Variants in SPRYD4 observed in about 807,000 individuals in gnomAD.
The protein encoded by SPRYD4 is SPRY domain containing 4, also known as SPRY domain-containing protein 4.
Under a neutral mutation model 16.6 loss-of-function variants are expected in SPRYD4, and 12 were observed. That is an observed-to-expected ratio of 0.72 (90% confidence interval 0.46 to 1.17). The LOEUF (loss-of-function observed/expected upper bound fraction) is 1.17, where lower values mean the gene tolerates loss of function less well. SPRYD4 is among the 50% of genes most tolerant of loss of function. The pLI, the probability that SPRYD4 is intolerant of heterozygous loss-of-function variation, is 0.00. For synonymous variants in SPRYD4, 98 were observed against 105.4 expected (o/e 0.93, Z 0.43); for missense variants, 260 against 260.2 (o/e 1.00, Z 0.00).
rs1466987431 is a variant in SPRYD4, at chr12:56,475,642, A to T, written c.*6065A>T. 3.1e-6 allele frequency: 5 copies of T among 1,613,976 alleles called. No individual in the cohort carries two copies. The highest frequency in any genetic ancestry group is 1.7e-5 in the Admixed American group (1 of 59,988). ...GACTTACGTGGCATTGCTGAAACCC[A>T]TGTATTCATTCCCAGCCATTTTGTT... is the stretch of plus-strand genomic sequence containing the variant. On this transcript the variant is annotated 3_prime_UTR_variant, in exon 2 of 2. Coordinates refer to ENST00000338146, the MANE Select transcript of SPRYD4 (RefSeq NM_207344.4).
rs1869538206 is a variant in SPRYD4, at chr12:56,473,893, A to G, written c.*4316A>G. 3.5e-6 allele frequency: 1 copy of G among 286,530 alleles called. No homozygotes were observed. The highest frequency in any genetic ancestry group is 6.9e-5 in the East Asian group (1 of 14,586). 17.7% of individuals were successfully genotyped at this position (286,530 alleles called of 1,614,324 possible). A position where few individuals can be genotyped will look rare whatever the true frequency, so the allele number is the denominator to read the frequency against. On this transcript the variant is annotated 3_prime_UTR_variant, in exon 2 of 2. Transcript: ENST00000338146. Reference sequence around the variant, plus strand: ...AGGTAATAAACAGGTAAATAAATAGACACGTAATGTTTAAAGTAATTGTGA... The same window carrying G: ...AGGTAATAAACAGGTAAATAAATAGGCACGTAATGTTTAAAGTAATTGTGA...
rs1350312132 is a variant in SPRYD4 at position 56,473,335 on chromosome 12, C to T, written c.*3758C>T. Reference sequence around the variant, plus strand: ...GACACCAACTTCTAGAATTGTAAGCCAAATATATTGTTTATTTACTCCTTA... The same window carrying T: ...GACACCAACTTCTAGAATTGTAAGCTAAATATATTGTTTATTTACTCCTTA... On this transcript the variant is annotated 3_prime_UTR_variant, in exon 2 of 2. Coordinates refer to ENST00000338146, the MANE Select transcript of SPRYD4 (RefSeq NM_207344.4). 6.2e-7 allele frequency: 1 copy of T among 1,613,532 alleles called. No individual in the cohort carries two copies. The highest frequency in any genetic ancestry group is 1.7e-5 in the Admixed American group (1 of 59,950).
chr12:56,468,968 A>G (rs1164769186), intron 1 of SPRYD4, 71 bp from the exon 2 acceptor site: 4 of 1,494,754 alleles, frequency 2.7e-6, no homozygotes, highest in African/African-American at 1.4e-5. Context: ...TGCCTGCCTC[A>G]TATCTGAATA....
chr12:56,468,760 A>C, intron 1 of SPRYD4, 84 bp downstream of exon 1: 1 of 1,438,486 alleles, frequency 7.0e-7, no homozygotes, highest in Non-Finnish European at 9.7e-7. Context: ...AGCAACTCCA[A>C]CCCTCTCGGG....
At position 56,477,923 on chromosome 12, in the gene SPRYD4, T is replaced by G. The variant is rs760111725; in HGVS notation, c.*8346T>G. ...GCTGTAAGTACGGTCTGAGCCTTGG[T>G]AGTGCTCACCTTCCTCATTGAGGGA... On this transcript the variant is annotated 3_prime_UTR_variant, in exon 2 of 2. Transcript: ENST00000338146. 1 of 1,610,504 alleles carries G rather than the reference T, an allele frequency of 6.2e-7. No homozygotes were observed. The highest frequency in any genetic ancestry group is 8.5e-7 in the Non-Finnish European group (1 of 1,177,960).
intron 1 of SPRYD4, 81 bp from the exon 2 acceptor site, chr12:56,468,958 T>C (rs902546866): frequency 6.7e-7 from 1 of 1,483,726 alleles, no homozygotes; most frequent in Non-Finnish European, 9.0e-7. Flanking sequence ...GTATCATGGC[T>C]GCCTGCCTCA....
chr12:56,474,797 G>T lies in SPRYD4; in HGVS notation c.*5220G>T. The T allele has an allele frequency of 6.2e-7, 1 of 1,612,838 alleles. No homozygotes were observed. The highest frequency in any genetic ancestry group is 8.5e-7 in the Non-Finnish European group (1 of 1,179,318). On this transcript the variant is annotated 3_prime_UTR_variant, in exon 2 of 2. Transcript: ENST00000338146. ...CCTCGGGTGTAGGGAAAGGGCAAGG[G>T]CAAGGACAGTCTGTCCTGTTCCCTC...
rs569334450 is a variant in SPRYD4, at chr12:56,478,758, C to T, written c.*9181C>T. ...CTGTAATCCCAGCACTTTGGGAGGC[C>T]GAGGTGGGTGGATCACTTGAGATCA... On this transcript the variant is annotated 3_prime_UTR_variant, in exon 2 of 2. Transcript: ENST00000338146. 5 of 293,368 alleles carry T rather than the reference C, an allele frequency of 1.7e-5. No individual in the cohort carries two copies. The highest frequency in any genetic ancestry group is 9.4e-5 in the South Asian group (2 of 21,232). The allele number at this position is 293,368 out of a possible 1,614,324, so 18.2% of individuals were successfully genotyped here.
chr12:56,469,049 C>T lies in SPRYD4; in HGVS notation c.96C>T (p.Phe32=), dbSNP rs552056024. The change falls in exon 2 of 2, where the codon TTC becomes TTT. Residue 32 remains phenylalanine, a synonymous_variant. Transcript: ENST00000338146. The part of the protein sequence containing the change: ...ASTEAQRGVS[F]KLEEKTAHSS... The stretch of plus-strand genomic sequence containing the variant: ...TTGCTCTGCCCGCAGGCGTCAGTTT[C>T]AAACTGGAAGAAAAAACCGCCCACA... The T allele has an allele frequency of 6.4e-7, 1 of 1,568,140 alleles. No individual in the cohort carries two copies. The highest frequency in any genetic ancestry group is 1.2e-5 in the South Asian group (1 of 85,180).
rs1156504804 is a variant in SPRYD4, at chr12:56,475,849, C to T, written c.*6272C>T. ...ATAAGGCTTCTAGTATGGGCTGGTGCACCTGGTAGTGGGGTTAGAGAGCCA... is the reference window on the plus strand; with the variant it reads ...ATAAGGCTTCTAGTATGGGCTGGTGTACCTGGTAGTGGGGTTAGAGAGCCA... On this transcript the variant is annotated 3_prime_UTR_variant, in exon 2 of 2. Coordinates refer to ENST00000338146, the MANE Select transcript of SPRYD4 (RefSeq NM_207344.4). 2.1e-6 allele frequency: 3 copies of T among 1,439,652 alleles called. No homozygotes were observed. In the African/African-American group the frequency reaches 4.2e-5, roughly 20 times the overall value. 89.2% of individuals were successfully genotyped at this position (1,439,652 alleles called of 1,614,324 possible).
In SPRYD4 at chr12:56,475,344, A is replaced by G. The variant is rs1427575684; in HGVS notation, c.*5767A>G. On this transcript the variant is annotated 3_prime_UTR_variant, in exon 2 of 2. Coordinates refer to ENST00000338146, the MANE Select transcript of SPRYD4 (RefSeq NM_207344.4). Reference sequence around the variant, plus strand: ...ACCCCAAACTGTCTAGTCATCTAGGAAAACTGGTGAAGTTTTTGGCTTTGA... The same window carrying G: ...ACCCCAAACTGTCTAGTCATCTAGGGAAACTGGTGAAGTTTTTGGCTTTGA... The G allele has an allele frequency of 4.4e-6, 5 of 1,137,496 alleles. No individual in the cohort carries two copies. The highest frequency in any genetic ancestry group is 6.1e-6 in the Non-Finnish European group (5 of 824,752). 70.5% of individuals were successfully genotyped at this position (1,137,496 alleles called of 1,614,324 possible).
At position 56,478,122 on chromosome 12, in the gene SPRYD4, G is replaced by A. The variant is rs755011309; in HGVS notation, c.*8545G>A. On this transcript the variant is annotated 3_prime_UTR_variant, in exon 2 of 2. Coordinates refer to ENST00000338146, the MANE Select transcript of SPRYD4 (RefSeq NM_207344.4). ...CTGGAGGCAGACAGATGCCATGAAA[G>A]GGGTTGGCCTGTGTTCGGCACCTGT... The A allele has an allele frequency of 1.2e-6, 2 of 1,614,044 alleles. No homozygotes were observed. Among genetic ancestry groups the A allele is most frequent in the East Asian group, 2.2e-5 (1 of 44,880 alleles).
Position 56,472,149 on chromosome 12 carries a change from G to A in SPRYD4, c.*2572G>A, listed in dbSNP as rs767557107. 8.1e-6 allele frequency: 13 copies of A among 1,614,054 alleles called. No homozygotes were observed. Among genetic ancestry groups the A allele is most frequent in the African/African-American group, 2.7e-5 (2 of 74,928 alleles). On this transcript the variant is annotated 3_prime_UTR_variant, in exon 2 of 2. Coordinates refer to ENST00000338146, the MANE Select transcript of SPRYD4 (RefSeq NM_207344.4). ...GCTGCAGCAACATGCAGAGCTGTGC[G>A]CGAGTCATAGTCTTTCTGTTCCATA...
rs145666748 is a variant in SPRYD4, at chr12:56,474,299, G to A, written c.*4722G>A. The A allele has an allele frequency of 4.2e-3, 2,062 of 493,210 alleles. 8 individuals are homozygous for A. Among genetic ancestry groups the A allele is most frequent in the Non-Finnish European group, 6.2e-3 (1,672 of 271,580 alleles). The allele number at this position is 493,210 out of a possible 1,614,324, so 30.6% of individuals were successfully genotyped here. A position where few individuals can be genotyped will look rare whatever the true frequency, so the allele number is the denominator to read the frequency against. ...AGATGGGGTTTCACCATGTAGGTCA[G>A]GCTGGTCTCGAACTCCTGACCTCAG... On this transcript the variant is annotated 3_prime_UTR_variant, in exon 2 of 2. Coordinates refer to ENST00000338146, the MANE Select transcript of SPRYD4 (RefSeq NM_207344.4).
chr12:56,478,452 T>A lies in SPRYD4; in HGVS notation c.*8875T>A. The A allele has an allele frequency of 1.7e-6, 1 of 602,210 alleles. No homozygotes were observed. The highest frequency in any genetic ancestry group is 2.9e-5 in the Admixed American group (1 of 34,030). The allele number at this position is 602,210 out of a possible 1,614,324, so 37.3% of individuals were successfully genotyped here. ...TCCTAGAAGGCCATATCTTTGTGTA[T>A]CCGCAATCCTGTAGAGATAGCAGTA... On this transcript the variant is annotated 3_prime_UTR_variant, in exon 2 of 2. Transcript: ENST00000338146.
At position 56,475,251 on chromosome 12, in the gene SPRYD4, T is replaced by G. The variant is rs1410943384; in HGVS notation, c.*5674T>G. ...CCTTTATAACTTCTCACAGTAATATTAGAGGAAATTTCTGAACCTGAGCAA... is the reference window on the plus strand; with the variant it reads ...CCTTTATAACTTCTCACAGTAATATGAGAGGAAATTTCTGAACCTGAGCAA... On this transcript the variant is annotated 3_prime_UTR_variant, in exon 2 of 2. Coordinates refer to ENST00000338146, the MANE Select transcript of SPRYD4 (RefSeq NM_207344.4). 1 of 1,571,100 alleles carries G rather than the reference T, an allele frequency of 6.4e-7. No homozygotes were observed. The highest frequency in any genetic ancestry group is 2.3e-5 in the East Asian group (1 of 44,248).
In SPRYD4 at chr12:56,479,241, G is replaced by A. The variant is rs1374250994; in HGVS notation, c.*9664G>A. 10 of 1,587,464 alleles carry A rather than the reference G, an allele frequency of 6.3e-6. No homozygotes were observed. Among genetic ancestry groups the A allele is most frequent in the Non-Finnish European group, 6.8e-6 (8 of 1,169,718 alleles). On this transcript the variant is annotated 3_prime_UTR_variant, in exon 2 of 2. Transcript: ENST00000338146. ...AGAAATGCAGCTGGGACTCACTCTGGAGCCACGGAAATTGGGAATAAAGAA... is the reference window on the plus strand; with the variant it reads ...AGAAATGCAGCTGGGACTCACTCTGAAGCCACGGAAATTGGGAATAAAGAA...
At position 56,476,077 on chromosome 12, in the gene SPRYD4, G is replaced by C; in HGVS notation, c.*6500G>C. 1 of 1,162,450 alleles carries C rather than the reference G, an allele frequency of 8.6e-7. No individual in the cohort carries two copies. The highest frequency in any genetic ancestry group is 1.3e-5 in the South Asian group (1 of 79,082). The allele number at this position is 1,162,450 out of a possible 1,614,324, so 72.0% of individuals were successfully genotyped here. On this transcript the variant is annotated 3_prime_UTR_variant, in exon 2 of 2. Coordinates refer to ENST00000338146, the MANE Select transcript of SPRYD4 (RefSeq NM_207344.4). The stretch of plus-strand genomic sequence containing the variant: ...GGAGTTCTAGTGTTAGTCTGGTCCT[G>C]CTGCTGCAAATGTGTTCAATTTTAT...
chr12:56,477,042 TAC>T lies in SPRYD4; in HGVS notation c.*7467_*7468del, dbSNP rs1339495699. 6.6e-6 allele frequency: 1 copy of T among 152,212 alleles called. No individual in the cohort carries two copies. Among genetic ancestry groups the T allele is most frequent in the Non-Finnish European group, 1.5e-5 (1 of 68,098 alleles). 9.4% of individuals were successfully genotyped at this position (152,212 alleles called of 1,614,324 possible). A position where few individuals can be genotyped will look rare whatever the true frequency, so the allele number is the denominator to read the frequency against. On this transcript the variant is annotated 3_prime_UTR_variant, in exon 2 of 2. Transcript: ENST00000338146. ...ACTCATTGCTTACTCATGTGTCAAC[TAC>T]AGAGTCAATACCACAGGGACTCTGA...
Sources: gnomAD v4.1 joint callset for allele counts on GRCh38, gnomAD v4.1.1 for gene constraint, MANE v1.5 for transcripts, NCBI Gene and HGNC (gene_info 2026-07-23, HGNC 2026-07-21) for gene names.